Variants in THNSL1 observed in about 807,000 individuals in gnomAD.
The protein encoded by THNSL1 is threonine synthase like 1, also known as threonine synthase-like 1.
In THNSL1, 48 loss-of-function variants were observed where a neutral mutation model predicts 50.4. The ratio of observed to expected loss-of-function variants is 0.95; its 90% CI spans 0.76 to 1.21. The LOEUF (loss-of-function observed/expected upper bound fraction) is 1.21, where lower values mean the gene tolerates loss of function less well. Among genes scored for constraint, THNSL1 ranks in the 50% most tolerant of loss-of-function variants. The probability of loss-of-function intolerance (pLI) is 0.00; values close to 1 mark genes in which losing one functional copy is unlikely to be tolerated. For missense variants in THNSL1, 896 were observed against 871.7 expected (o/e 1.03, Z -0.35); for synonymous variants, 309 against 306.1 (o/e 1.01, Z -0.10).
chr10:24,993,364 C>T, the THNSL1 span, among the ~76,000 whole-genome samples: 5 of 152,168 alleles, frequency 3.3e-5, no homozygotes, highest in Admixed American at 6.5e-5. Flanking sequence ...ATAATTTAAT[C>T]CTCACTACAA....
chr10:25,023,770 A>G lies in THNSL1; in HGVS notation c.547A>G (p.Lys183Glu). 3 of 1,614,068 alleles carry G rather than the reference A, an allele frequency of 1.9e-6. No individual in the cohort carries two copies. Among genetic ancestry groups the G allele is most frequent in the African/African-American group, 1.3e-5 (1 of 75,064 alleles). Reference protein sequence around the residue: ...IVGQNSGTSMKDLLKFRRQYY... With the variant: ...IVGQNSGTSMEDLLKFRRQYY... The stretch of plus-strand genomic sequence containing the variant: ...AGGTCAGAATTCTGGAACATCTATG[A>G]AAGACTTACTTAAATTTAGAAGACA... The change falls in exon 3 of 3, where the codon AAA (lysine) becomes GAA (glutamate). Residue 183 changes from lysine (K) to glutamate (E), a missense_variant. Coordinates refer to ENST00000376356, the MANE Select transcript of THNSL1 (RefSeq NM_024838.5).
At chr10:24,965,555 T>C in the THNSL1 span, among the ~76,000 whole-genome samples, 105 of 152,370 alleles carry the variant, frequency 6.9e-4, no homozygotes, top group African/African-American at 2.3e-3. Flanking sequence ...TAGATGTCTA[T>C]GAATATGGAA....
chr10:25,008,941 T>A, the THNSL1 span, among the ~76,000 whole-genome samples: 1 of 152,114 alleles, frequency 6.6e-6, no homozygotes, highest in African/African-American at 2.4e-5. Flanking sequence ...AAATGATGAG[T>A]TCATGTCCTT....
the THNSL1 span, among the ~76,000 whole-genome samples, chr10:25,004,708 G>A: frequency 9.3e-3 from 1,417 of 152,216 alleles, 21 homozygotes; most frequent in African/African-American, 0.032. Flanking sequence ...CTCCCATTCT[G>A]TAGGTTGTTT....
At chr10:24,979,544 C>G in the THNSL1 span, among the ~76,000 whole-genome samples, 6 of 152,266 alleles carry the variant, frequency 3.9e-5, no homozygotes, top group South Asian at 1.2e-3. Context: ...ACTAAACTTT[C>G]ATTGTTTTGG....
chr10:24,978,585 G>A, the THNSL1 span, among the ~76,000 whole-genome samples: 1 of 151,942 alleles, frequency 6.6e-6, no homozygotes, highest in Non-Finnish European at 1.5e-5. Flanking sequence ...ACACTCTGTG[G>A]TTGAAAACCT....
rs756112521 is a variant in THNSL1 at position 25,024,150 on chromosome 10, G to A, written c.927G>A (p.Arg309=). 6.2e-7 allele frequency: 1 copy of A among 1,614,172 alleles called. No homozygotes were observed. Among genetic ancestry groups the A allele is most frequent in the Non-Finnish European group, 8.5e-7 (1 of 1,180,018 alleles). The part of the protein sequence containing the change: ...CIHPADIPAA[R]LGEMIETAYG... ...ATCCTGCAGACATACCTGCTGCCAG[G>A]TTGGGAGAAATGATTGAAACTGCTT... is the stretch of plus-strand genomic sequence containing the variant. The change falls in exon 3 of 3, where the codon AGG becomes AGA. Residue 309 remains arginine (R), a synonymous_variant. Transcript: ENST00000376356.
chr10:25,025,151 C>T lies in THNSL1; in HGVS notation c.1928C>T (p.Thr643Ile), dbSNP rs149191706. ...NTSGYILDPH[T>I]AVAKVVADRV... is the part of the protein sequence containing the mutation. ...TCAGGGTATATTTTGGATCCACACA[C>T]TGCTGTTGCAAAAGTGGTTGCAGAT... is the stretch of plus-strand genomic sequence containing the variant. Residue 643 changes from threonine to isoleucine, a missense_variant, in exon 3 of 3, where the codon ACT becomes ATT. Transcript: ENST00000376356. The T allele has an allele frequency of 5.0e-6, 8 of 1,614,224 alleles. No homozygotes were observed. The highest frequency in any genetic ancestry group is 6.8e-6 in the Non-Finnish European group (8 of 1,180,046).
the THNSL1 span, among the ~76,000 whole-genome samples, chr10:25,008,699 G>A: frequency 5.9e-5 from 9 of 152,180 alleles, no homozygotes; most frequent in Admixed American, 2.6e-4. Flanking sequence ...GAAGTGTGGC[G>A]ATTCCTCAGG....
At chr10:24,987,293 G>A in the THNSL1 span, among the ~76,000 whole-genome samples, 1 of 152,240 alleles carries the variant, frequency 6.6e-6, no homozygotes, top group Admixed American at 6.5e-5. Flanking sequence ...GGGTGCCTCA[G>A]TGCTTCTTGT....
chr10:25,016,380 CTAG>C (rs1462326186), upstream of THNSL1, among the ~76,000 whole-genome samples: 1 of 152,240 alleles, frequency 6.6e-6, no homozygotes, highest in Non-Finnish European at 1.5e-5. Flanking sequence ...AAGAAAAATC[CTAG>C]TAGAGACGGC....
rs570098309 is a variant in THNSL1 at position 25,025,548 on chromosome 10, T to C, written c.*93T>C. The C allele has an allele frequency of 2.5e-5, 30 of 1,223,600 alleles. No individual in the cohort carries two copies. The African/African-American group carries it at 3.8e-4, about 16-fold the overall frequency. 75.8% of individuals were successfully genotyped at this position (1,223,600 alleles called of 1,614,324 possible). A position where few individuals can be genotyped will look rare whatever the true frequency, so the allele number is the denominator to read the frequency against. ...GAGTACAGTAGCATTTTGTCTTTTA[T>C]GTAAATATCTCTATATCTGTTTGGA... is the stretch of plus-strand genomic sequence containing the variant. On this transcript the variant is annotated 3_prime_UTR_variant, in exon 3 of 3. Coordinates refer to ENST00000376356, the MANE Select transcript of THNSL1 (RefSeq NM_024838.5).
chr10:24,959,037 A>G, the THNSL1 span, among the ~76,000 whole-genome samples: 306 of 152,318 alleles, frequency 2.0e-3, 1 homozygote, highest in Non-Finnish European at 3.5e-3. Flanking sequence ...AGTTACGTAC[A>G]TGACCCTAAA....
chr10:25,006,546 C>A, the THNSL1 span, among the ~76,000 whole-genome samples: 1 of 152,252 alleles, frequency 6.6e-6, no homozygotes, highest in Admixed American at 6.5e-5. Context: ...AGCAAACGTG[C>A]ATGATTGTGA....
upstream of THNSL1, among the ~76,000 whole-genome samples, chr10:25,013,416 G>A (rs1255029726): frequency 3.9e-5 from 6 of 152,252 alleles, no homozygotes; most frequent in Admixed American, 2.6e-4. Context: ...TAGAGGATGG[G>A]AGAGACCAAC....
chr10:25,013,274 G>T (rs1009105885), upstream of THNSL1, among the ~76,000 whole-genome samples: 2 of 152,176 alleles, frequency 1.3e-5, no homozygotes, highest in Non-Finnish European at 2.9e-5. Flanking sequence ...ATAGATAAGA[G>T]ATATAAAAGA....
At chr10:25,006,374 C>T in the THNSL1 span, among the ~76,000 whole-genome samples, 1 of 151,882 alleles carries the variant, frequency 6.6e-6, no homozygotes, top group Non-Finnish European at 1.5e-5. Context: ...TTTGTGGCAG[C>T]ACACCGAGAA....
the THNSL1 span, among the ~76,000 whole-genome samples, chr10:24,985,747 T>G: frequency 6.6e-6 from 1 of 152,236 alleles, no homozygotes; most frequent in South Asian, 2.1e-4. Flanking sequence ...ATTTTATAAG[T>G]CAACACTTTT....
At chr10:24,985,029 A>G in the THNSL1 span, 1,880 of 789,938 alleles carry the variant, frequency 2.4e-3, 8 homozygotes, top group Non-Finnish European at 3.4e-3. Flanking sequence ...AACTTCTAAA[A>G]TGAAATGTAT....
Sources: allele counts gnomAD v4.1 joint callset (sites outside exome capture counted in the v4.1 genomes callset), GRCh38; gene constraint gnomAD v4.1.1; transcripts MANE v1.5; gene names NCBI Gene and HGNC (gene_info 2026-07-23, HGNC 2026-07-21).